TUBGCP4: variants seen among roughly 807,000 people sequenced by gnomAD.
TUBGCP4 encodes the protein gamma-tubulin complex component 4.
TUBGCP4 carries 54 observed loss-of-function variants against 91.6 expected under a neutral mutation model. That is an observed-to-expected ratio of 0.59 (90% CI 0.47 to 0.74). The LOEUF (loss-of-function observed/expected upper bound fraction) is 0.74. Among genes scored for constraint, TUBGCP4 ranks in the 30% least tolerant of loss-of-function variants. The pLI, the probability that TUBGCP4 is intolerant of heterozygous loss-of-function variation, is 0.00. For synonymous variants in TUBGCP4, 297 were observed against 302.8 expected (o/e 0.98, Z 0.20); for missense variants, 593 against 800.9 (o/e 0.74, Z 3.13).
intron 13 of TUBGCP4, chr15:43,399,119 CAATTTT>C: frequency 7.8e-7 from 1 of 1,277,604 alleles, no homozygotes; most frequent in South Asian, 1.3e-5. Flanking sequence ...TAGAAATAGA[CAATTTT>C]AAAAACCAAA....
Position 43,383,369 on chromosome 15 carries a change from C to G in TUBGCP4, c.588C>G (p.Leu196=). 6.2e-7 allele frequency: 1 copy of G among 1,614,176 alleles called. No homozygotes were observed. Among genetic ancestry groups the G allele is most frequent in the Non-Finnish European group, 8.5e-7 (1 of 1,180,036 alleles). The change falls in exon 7 of 18, where the codon CTC becomes CTG. Residue 196 remains leucine (L), a synonymous_variant. Transcript: ENST00000564079. ...QLSAWMLHGL[L]LDQHEEFFIK... is the part of the protein sequence containing the mutation. ...CAGCCTGGATGCTCCATGGACTCCT[C>G]TTGGACCAGCATGAAGAATTCTTTA... is the stretch of plus-strand genomic sequence containing the variant.
intron 15 of TUBGCP4, chr15:43,402,923 C>T (rs1303927161): frequency 6.6e-6 from 1 of 152,140 alleles, no homozygotes; most frequent in Admixed American, 6.5e-5. Flanking sequence ...TCTGCTGTAC[C>T]AGGAAGAGTA....
intron 8 of TUBGCP4, 95 bp downstream of exon 8, chr15:43,386,051 C>T (rs2044352420): frequency 5.2e-6 from 8 of 1,530,068 alleles, no homozygotes; most frequent in African/African-American, 2.7e-5. Flanking sequence ...AGCGAGTGGT[C>T]GATAATATTC....
chr15:43,401,309 T>G (rs553229157), intron 14 of TUBGCP4, among the ~76,000 whole-genome samples: 72 of 151,888 alleles, frequency 4.7e-4, no homozygotes, highest in African/African-American at 1.6e-3. Context: ...AAATTAGCCA[T>G]GCGTGGTAGC....
chr15:43,392,130 T>G (rs1225185250), intron 9 of TUBGCP4, among the ~76,000 whole-genome samples: 1 of 150,566 alleles, frequency 6.6e-6, no homozygotes, highest in Non-Finnish European at 1.5e-5. Context: ...ATATTTTTTT[T>G]TGTTTGAATT....
rs892322762 is a variant in TUBGCP4 at position 43,406,598 on chromosome 15, C to A, written c.*1384C>A. The stretch of plus-strand genomic sequence containing the variant: ...GAAATATTTACTCTTTGACCCTTTA[C>A]AGAAAAAAACCTTGTTGACCCCTGC... On this transcript the variant is annotated 3_prime_UTR_variant, in exon 18 of 18. Coordinates refer to ENST00000564079, the MANE Select transcript of TUBGCP4 (RefSeq NM_014444.5). 2 of 455,830 alleles carry A rather than the reference C, an allele frequency of 4.4e-6. No individual in the cohort carries two copies. Among genetic ancestry groups the A allele is most frequent in the Non-Finnish European group, 8.8e-6 (2 of 226,754 alleles). 28.2% of individuals were successfully genotyped at this position (455,830 alleles called of 1,614,324 possible). A position where few individuals can be genotyped will look rare whatever the true frequency, so the allele number is the denominator to read the frequency against.
At chr15:43,379,485 C>CA (rs757483269) in intron 5 of TUBGCP4, among the ~76,000 whole-genome samples, 101 of 151,520 alleles carry the variant, frequency 6.7e-4, no homozygotes, top group Middle Eastern at 3.4e-3. Flanking sequence ...ACTAAAAATA[C>CA]AAAAAAAATT....
chr15:43,403,600 T>G, intron 15 of TUBGCP4, 83 bp from the exon 16 acceptor site: 1 of 1,010,018 alleles, frequency 9.9e-7, no homozygotes, highest in Non-Finnish European at 1.5e-6. Context: ...AGATCAGCTA[T>G]TAATCAGACT....
At position 43,376,128 on chromosome 15, in the gene TUBGCP4, A is replaced by C. The variant is rs758955572; in HGVS notation, c.109A>C (p.Ser37Arg). 8.7e-6 allele frequency: 14 copies of C among 1,602,670 alleles called. No individual in the cohort carries two copies. Among genetic ancestry groups the C allele is most frequent in the Non-Finnish European group, 1.2e-5 (14 of 1,172,936 alleles). ...GCAGGACTTCCCTTTCCTCCACCCC[A>C]GTGAGACCAGTGTCCTGAATCGACT... ...VSQDFPFLHP[S>R]ETSVLNRLCR... Residue 37 changes from serine to arginine, a missense_variant, in exon 2 of 18, where the codon AGT becomes CGT. Coordinates refer to ENST00000564079, the MANE Select transcript of TUBGCP4 (RefSeq NM_014444.5).
chr15:43,395,153 T>C lies in TUBGCP4; in HGVS notation c.1061T>C (p.Leu354Pro). Residue 354 changes from leucine (L) to proline (P), a missense_variant, in exon 10 of 18, where the codon CTG becomes CCG. Leu to Pro is a moderately conservative substitution (Grantham distance 98). Transcript: ENST00000564079. Reference protein sequence around the residue: ...MVEESDLLGQLKIIKDFYLLG... With the variant: ...MVEESDLLGQPKIIKDFYLLG... ...GAAGAATCCGATTTACTGGGTCAGC[T>C]GAAGGTAATGGCTTAGCTGTTGTAA... The C allele has an allele frequency of 6.2e-7, 1 of 1,614,178 alleles. No individual in the cohort carries two copies. The highest frequency in any genetic ancestry group is 8.5e-7 in the Non-Finnish European group (1 of 1,180,024).
Position 43,401,792 on chromosome 15 carries a change from T to C in TUBGCP4, c.1673T>C (p.Leu558Ser). The C allele has an allele frequency of 1.2e-6, 2 of 1,614,202 alleles. No individual in the cohort carries two copies. Among genetic ancestry groups the C allele is most frequent in the Non-Finnish European group, 1.7e-6 (2 of 1,180,022 alleles). Residue 558 changes from leucine to serine, a missense_variant, in exon 15 of 18, where the codon TTG becomes TCG. By Grantham distance (145) the Leu-to-Ser change is moderately radical. Coordinates refer to ENST00000564079, the MANE Select transcript of TUBGCP4 (RefSeq NM_014444.5). The stretch of plus-strand genomic sequence containing the variant: ...ACCCGAGACTTTGAAAGCATCCGAT[T>C]GGCTCATGACCACTTCCTGAGCAAT... Reference protein sequence around the residue: ...NSTRDFESIRLAHDHFLSNLL... With the variant: ...NSTRDFESIRSAHDHFLSNLL...
At chr15:43,404,135 C>T (rs147518325) in intron 16 of TUBGCP4, 3 of 513,364 alleles carry the variant, frequency 5.8e-6, no homozygotes, top group African/African-American at 3.8e-5. Flanking sequence ...GTAATCAAAA[C>T]GGGTTCTCCC....
chr15:43,408,948 T>C lies in TUBGCP4; in HGVS notation c.*3734T>C. The C allele has an allele frequency of 6.2e-7, 1 of 1,614,216 alleles. No individual in the cohort carries two copies. The highest frequency in any genetic ancestry group is 8.5e-7 in the Non-Finnish European group (1 of 1,180,044). On this transcript the variant is annotated 3_prime_UTR_variant, in exon 18 of 18. Coordinates refer to ENST00000564079, the MANE Select transcript of TUBGCP4 (RefSeq NM_014444.5). ...GCTGTACCCAGCTGGCAACAGATAA[T>C]TACGGTAGTTCTGGAGCTGGTTGGC...
At chr15:43,397,626 C>G (rs1350270047) in intron 12 of TUBGCP4, among the ~76,000 whole-genome samples, 5 of 152,094 alleles carry the variant, frequency 3.3e-5, no homozygotes, top group Non-Finnish European at 7.3e-5. Flanking sequence ...TCTAGAAGAC[C>G]TCCCAAGAGA....
intron 9 of TUBGCP4, among the ~76,000 whole-genome samples, chr15:43,387,086 T>C (rs2044387344): frequency 6.6e-6 from 1 of 152,238 alleles, no homozygotes; most frequent in Non-Finnish European, 1.5e-5. Context: ...TAACTTATAC[T>C]TTCATTTCTA....
intron 9 of TUBGCP4, among the ~76,000 whole-genome samples, chr15:43,389,914 A>G (rs961838679): frequency 1.3e-5 from 2 of 151,590 alleles, no homozygotes; most frequent in African/African-American, 4.8e-5. Context: ...TAAAATATAT[A>G]ATTTATTATA....
chr15:43,398,978 GTCCCTTATAA>G (rs931010046), intron 13 of TUBGCP4: 35 of 256,714 alleles, frequency 1.4e-4, no homozygotes, highest in African/African-American at 6.9e-4. Flanking sequence ...ATTAACAGTA[GTCCCTTATAA>G]TCCCTTATAA....
intron 16 of TUBGCP4, chr15:43,404,077 C>A: frequency 1.9e-6 from 1 of 524,094 alleles, no homozygotes; most frequent in Admixed American, 3.3e-5. Context: ...CTCCCCCCTC[C>A]TTACTTCCTT....
At position 43,398,115 on chromosome 15, in the gene TUBGCP4, C is replaced by G; in HGVS notation, c.1354C>G (p.Leu452Val). 6.2e-7 allele frequency: 1 copy of G among 1,614,142 alleles called. No individual in the cohort carries two copies. The highest frequency in any genetic ancestry group is 8.5e-7 in the Non-Finnish European group (1 of 1,179,988). ...AGCCCCTGCATCTGGCTGGGCAGCC[C>G]TAGGTCTTTCCTACAAAGTACAGTG... Reference protein sequence around the residue: ...REAPASGWAALGLSYKVQWPL... With the variant: ...REAPASGWAAVGLSYKVQWPL... The change falls in exon 13 of 18, where the codon CTA becomes GTA. Residue 452 changes from leucine (L) to valine (V), a missense_variant. Physicochemically the swap from Leu to Val is conservative, Grantham distance 32. Transcript: ENST00000564079.
Sources: gnomAD v4.1 joint callset for allele counts (sites outside exome capture counted in the v4.1 genomes callset) on GRCh38, gnomAD v4.1.1 for gene constraint, MANE v1.5 for transcripts, NCBI Gene and HGNC (gene_info 2026-07-23, HGNC 2026-07-21) for gene names.